AKAP13: variants seen among roughly 807,000 people sequenced by gnomAD.
AKAP13 encodes A-kinase anchor protein 13.
A neutral mutation model predicts 264.5 loss-of-function variants in AKAP13; 80 were observed. The observed-to-expected ratio is 0.30, with a 90% CI of 0.25 to 0.36. The LOEUF is 0.36. Ranked by LOEUF, AKAP13 falls within the 10% of genes least tolerant of loss-of-function variation. The pLI is 1.00. For synonymous variants in AKAP13, 1,380 were observed against 1,250.2 expected (o/e 1.10, Z -2.19); for missense variants, 3,712 against 3,435.2 (o/e 1.08, Z -2.01).
chr15:85,424,150 A>G (rs1019110849), intron 1 of AKAP13, among the ~76,000 whole-genome samples: 2 of 152,194 alleles, frequency 1.3e-5, no homozygotes, highest in East Asian at 3.8e-4. Flanking sequence ...AGCCCCTAAC[A>G]AGAGAGTCAG....
intron 5 of AKAP13, among the ~76,000 whole-genome samples, chr15:85,568,144 T>C (rs1421641457): frequency 1.3e-5 from 2 of 151,322 alleles, no homozygotes; most frequent in African/African-American, 4.9e-5. Flanking sequence ...CTAGGAAAAA[T>C]CCAAAAATTA....
intron 5 of AKAP13, among the ~76,000 whole-genome samples, chr15:85,553,426 A>T (rs553473445): frequency 6.6e-6 from 1 of 152,282 alleles, no homozygotes; most frequent in African/African-American, 2.4e-5. Context: ...ATTTTAATAA[A>T]TATTTGTTGG....
At chr15:85,722,182 T>G in intron 24 of AKAP13, 48 bp from the exon 25 acceptor site, 1 of 1,609,806 alleles carries the variant, frequency 6.2e-7, no homozygotes, top group Non-Finnish European at 8.5e-7. Flanking sequence ...CGGCTTTCAC[T>G]AGAGCCTTTT....
rs1465250401 is a variant in AKAP13 at position 85,746,127 on chromosome 15, C to T, written c.*1450C>T. ...TGGCCTTCAATTCTTGCTTTTTTGCCCCTCGGAAGCATGGGGCTTTTGAGC... is the reference window on the plus strand; with the variant it reads ...TGGCCTTCAATTCTTGCTTTTTTGCTCCTCGGAAGCATGGGGCTTTTGAGC... On this transcript the variant is annotated 3_prime_UTR_variant, in exon 37 of 37. Coordinates refer to ENST00000394518, the MANE Select transcript of AKAP13 (RefSeq NM_007200.5). 2 of 152,344 alleles carry T rather than the reference C, an allele frequency of 1.3e-5. No individual in the cohort carries two copies. Among genetic ancestry groups the T allele is most frequent in the African/African-American group, 4.8e-5 (2 of 41,354 alleles). The allele number at this position is 152,344 out of a possible 1,614,324, so 9.4% of individuals were successfully genotyped here.
Position 85,580,843 on chromosome 15 carries a change from A to C in AKAP13, c.2775A>C (p.Glu925Asp). ...LVVSESSAAQEQDKDKAVTCS... is the reference protein window; with the variant it reads ...LVVSESSAAQDQDKDKAVTCS... ...TTTCAGAAAGCTCTGCAGCTCAGGAACAAGATAAGGATAAAGCGGTGACCT... is the reference window on the plus strand; with the variant it reads ...TTTCAGAAAGCTCTGCAGCTCAGGACCAAGATAAGGATAAAGCGGTGACCT... Residue 925 changes from glutamate to aspartate, a missense_variant, in exon 7 of 37, where the codon GAA (glutamate) becomes GAC (aspartate). By Grantham distance (45) the Glu-to-Asp change is conservative. Coordinates refer to ENST00000394518, the MANE Select transcript of AKAP13 (RefSeq NM_007200.5). 1 of 1,614,184 alleles carries C rather than the reference A, an allele frequency of 6.2e-7. No homozygotes were observed. The highest frequency in any genetic ancestry group is 2.2e-5 in the East Asian group (1 of 44,894).
intron 8 of AKAP13, among the ~76,000 whole-genome samples, chr15:85,616,279 G>A (rs531045775): frequency 6.6e-6 from 1 of 152,302 alleles, no homozygotes; most frequent in East Asian, 1.9e-4. Flanking sequence ...CAGCCACAGT[G>A]TTGACCCATA....
At chr15:85,546,198 A>G (rs2077732662) in intron 5 of AKAP13, among the ~76,000 whole-genome samples, 1 of 151,940 alleles carries the variant, frequency 6.6e-6, no homozygotes, top group South Asian at 2.1e-4. Context: ...TCTCACCACA[A>G]AAAAATAAGT....
intron 1 of AKAP13, among the ~76,000 whole-genome samples, chr15:85,457,805 C>T (rs1352123289): frequency 1.3e-5 from 2 of 152,092 alleles, no homozygotes; most frequent in Non-Finnish European, 2.9e-5. Context: ...AATGTTTGCT[C>T]CGTAGAAGTA....
intron 1 of AKAP13, among the ~76,000 whole-genome samples, chr15:85,392,197 A>AT (rs56004924): frequency 2.7e-3 from 382 of 139,352 alleles, no homozygotes; most frequent in African/African-American, 3.1e-3. Context: ...TACTTATTCC[A>AT]TTTTTTTTTT....
intron 2 of AKAP13, among the ~76,000 whole-genome samples, chr15:85,498,197 G>GATATACATATATATATAT: frequency 3.3e-5 from 1 of 30,088 alleles, no homozygotes; most frequent in South Asian, 7.8e-4. Flanking sequence ...TAAATGAAGT[G>GATATACATATATATATAT]AGATATATAT....
At chr15:85,661,616 G>A (rs1025079128) in intron 12 of AKAP13, among the ~76,000 whole-genome samples, 1 of 152,080 alleles carries the variant, frequency 6.6e-6, no homozygotes, top group Non-Finnish European at 1.5e-5. Flanking sequence ...AGCTACTCGG[G>A]AGGCTGAGGC....
At chr15:85,519,327 C>T (rs991725846) in intron 2 of AKAP13, among the ~76,000 whole-genome samples, 1 of 152,132 alleles carries the variant, frequency 6.6e-6, no homozygotes, top group African/African-American at 2.4e-5. Context: ...CTAACCCTAA[C>T]CCCCACACCC....
chr15:85,631,259 C>T (rs1487824534), intron 8 of AKAP13, among the ~76,000 whole-genome samples: 4 of 152,016 alleles, frequency 2.6e-5, no homozygotes, highest in African/African-American at 9.7e-5. Context: ...TCGTGGCTCT[C>T]TAGGCACTAG....
intron 10 of AKAP13, among the ~76,000 whole-genome samples, chr15:85,651,808 C>T (rs1320754936): frequency 1.3e-5 from 2 of 152,126 alleles, no homozygotes; most frequent in Non-Finnish European, 2.9e-5. Flanking sequence ...TTTTCTGTTT[C>T]AGAACTTCGT....
chr15:85,712,572 C>G (rs1029769007), intron 19 of AKAP13, among the ~76,000 whole-genome samples: 3 of 150,928 alleles, frequency 2.0e-5, no homozygotes, highest in Non-Finnish European at 4.4e-5. Flanking sequence ...AGACAAGAGT[C>G]TTACTCTGTC....
At chr15:85,509,690 T>C (rs926624650) in intron 2 of AKAP13, among the ~76,000 whole-genome samples, 2 of 152,236 alleles carry the variant, frequency 1.3e-5, no homozygotes, top group African/African-American at 4.8e-5. Flanking sequence ...GATATTCTCC[T>C]TTTGAATGAA....
Position 85,741,088 on chromosome 15 carries a change from CTG to C in AKAP13, c.7652_7653del (p.Leu2551ArgfsTer19). 6.2e-7 allele frequency: 1 copy of C among 1,613,446 alleles called. No individual in the cohort carries two copies. The highest frequency in any genetic ancestry group is 8.5e-7 in the Non-Finnish European group (1 of 1,179,772). On this transcript the variant is annotated frameshift_variant, in exon 35 of 37. Coordinates refer to ENST00000394518, the MANE Select transcript of AKAP13 (RefSeq NM_007200.5). LOFTEE classifies it high-confidence loss of function. ...QQDSYIEDQK[L>X]VLSERALTRS... ...GGACAGCTACATTGAGGACCAGAAACTGGTGCTGAGCGAGAGGGCGCTCACTC... is the reference window on the plus strand; with the variant it reads ...GGACAGCTACATTGAGGACCAGAAACGTGCTGAGCGAGAGGGCGCTCACTC...
chr15:85,568,367 A>G, intron 5 of AKAP13, among the ~76,000 whole-genome samples: 1 of 152,190 alleles, frequency 6.6e-6, no homozygotes, highest in South Asian at 2.1e-4. Flanking sequence ...CTATGTCCAT[A>G]GAGAAAAGAA....
intron 8 of AKAP13, among the ~76,000 whole-genome samples, chr15:85,616,156 A>G (rs1248668699): frequency 6.6e-6 from 1 of 151,996 alleles, no homozygotes; most frequent in African/African-American, 2.4e-5. Context: ...AAAAATATTC[A>G]CTGGCCTTTG....
Sources: allele counts gnomAD v4.1 joint callset (sites outside exome capture counted in the v4.1 genomes callset), GRCh38; gene constraint gnomAD v4.1.1; transcripts MANE v1.5; gene names NCBI Gene and HGNC (gene_info 2026-07-23, HGNC 2026-07-21).